KATNAL1: variants seen among roughly 807,000 people sequenced by gnomAD.
KATNAL1 encodes katanin p60 ATPase-containing subunit A-like 1.
Under a neutral mutation model 55.2 loss-of-function variants are expected in KATNAL1, and 32 were observed. The ratio of observed to expected loss-of-function variants is 0.58; its 90% CI spans 0.44 to 0.78. The LOEUF (loss-of-function observed/expected upper bound fraction) is 0.78. Among genes scored for constraint, KATNAL1 ranks in the 30% least tolerant of loss-of-function variants. KATNAL1 has a pLI of 0.00. For missense variants in KATNAL1, 466 were observed against 600.9 expected (o/e 0.78, Z 2.35); for synonymous variants, 193 against 193.6 (o/e 1.00, Z 0.02).
chr13:30,208,787 A>C (rs778677925), intron 10 of KATNAL1, 49 bp from the exon 11 acceptor site: 1 of 1,265,660 alleles, frequency 7.9e-7, no homozygotes, highest in South Asian at 1.4e-5. Flanking sequence ...ACATGTTTTA[A>C]ACACTTTCAA....
In KATNAL1 at chr13:30,245,305, C is replaced by T. The variant is rs147431696; in HGVS notation, c.493-4219G>A. Reference sequence around the variant, plus strand: ...TAAACAGAATCAATGACAAAAACCACGTGATAATCTCAATACATGCAGAAA... The same window carrying T: ...TAAACAGAATCAATGACAAAAACCATGTGATAATCTCAATACATGCAGAAA... On this transcript the variant is annotated intron_variant, in intron 4 of 10. Transcript: ENST00000380615. Among the ~76,000 whole-genome samples, 976 of 152,256 alleles carry T rather than the reference C, an allele frequency of 6.4e-3. 5 individuals carry two copies. Among genetic ancestry groups the T allele is most frequent in the South Asian group, 0.018 (85 of 4,820 alleles).
At chr13:30,268,496 C>T (rs1407471182) in intron 3 of KATNAL1, among the ~76,000 whole-genome samples, 4 of 152,056 alleles carry the variant, frequency 2.6e-5, no homozygotes, top group Non-Finnish European at 4.4e-5. Context: ...CTGTTTAACA[C>T]AAAGACAGAA....
intron 2 of KATNAL1, among the ~76,000 whole-genome samples, chr13:30,282,721 G>A (rs1344679863): frequency 1.1e-4 from 17 of 151,610 alleles, no homozygotes; most frequent in Admixed American, 2.6e-4. Context: ...TTGGGAGGCC[G>A]AGGCAGGCGG....
At chr13:30,257,185 T>C (rs956682446) in intron 3 of KATNAL1, among the ~76,000 whole-genome samples, 40 of 152,286 alleles carry the variant, frequency 2.6e-4, no homozygotes, top group South Asian at 8.3e-4. Flanking sequence ...ACCTAATTTT[T>C]TTTTTTTGGA....
intron 9 of KATNAL1, among the ~76,000 whole-genome samples, chr13:30,212,392 C>T (rs1873775065): frequency 6.6e-6 from 1 of 152,234 alleles, no homozygotes; most frequent in Non-Finnish European, 1.5e-5. Context: ...CCTGGCAATG[C>T]ACAGTGGCCG....
intron 3 of KATNAL1, among the ~76,000 whole-genome samples, chr13:30,260,212 A>C (rs965206301): frequency 6.6e-6 from 1 of 152,070 alleles, no homozygotes; most frequent in Non-Finnish European, 1.5e-5. Flanking sequence ...CACACCAAAA[A>C]CCCATCTGTA....
rs531775135 is a variant in KATNAL1 at position 30,307,394 on chromosome 13, G to GGCCGCCGCC, written c.-87_-79dup. On this transcript the variant is annotated 5_prime_UTR_variant, in exon 1 of 11. Coordinates refer to ENST00000380615, the MANE Select transcript of KATNAL1 (RefSeq NM_032116.5). ...CCAGATGGGGTGCGGGTGGGGCGCA[G>GGCCGCCGCC]GCCGCCGCCGCCGCCGCCGCCGAGT... 42 of 154,774 alleles carry GGCCGCCGCC rather than the reference G, an allele frequency of 2.7e-4. 3 individuals are homozygous for GGCCGCCGCC. The highest frequency in any genetic ancestry group is 1.6e-3 in the South Asian group (9 of 5,576). 9.6% of individuals were successfully genotyped at this position (154,774 alleles called of 1,614,324 possible). A position where few individuals can be genotyped will look rare whatever the true frequency, so the allele number is the denominator to read the frequency against.
chr13:30,271,713 T>C (rs1285155691), intron 3 of KATNAL1, among the ~76,000 whole-genome samples: 2 of 151,952 alleles, frequency 1.3e-5, no homozygotes, highest in Admixed American at 6.6e-5. Flanking sequence ...AGAACCCTTG[T>C]AGCCTGGTGG....
At chr13:30,227,309 G>A in intron 9 of KATNAL1, 103 bp downstream of exon 9, 1 of 1,082,406 alleles carries the variant, frequency 9.2e-7, no homozygotes, top group Non-Finnish European at 1.3e-6. Context: ...ATTTTGTGAT[G>A]CTATAAACTT....
In KATNAL1 at chr13:30,280,125, G is replaced by A; in HGVS notation, c.261C>T (p.Ser87=). ...KIDKPPDFPV[S]CQDEPFRDPA... ...GATCTCTAAATGGTTCATCTTGACA[G>A]GACACAGGGAAATCTGGAGGCTTGT... is the stretch of plus-strand genomic sequence containing the variant. The change falls in exon 3 of 11, where the codon TCC becomes TCT. Residue 87 remains serine, a synonymous_variant. Transcript: ENST00000380615. 1 of 1,613,430 alleles carries A rather than the reference G, an allele frequency of 6.2e-7. No homozygotes were observed. Among genetic ancestry groups the A allele is most frequent in the Non-Finnish European group, 8.5e-7 (1 of 1,179,738 alleles).
At chr13:30,222,245 T>C (rs1056137102) in intron 9 of KATNAL1, among the ~76,000 whole-genome samples, 1 of 152,012 alleles carries the variant, frequency 6.6e-6, no homozygotes, top group Non-Finnish European at 1.5e-5. Context: ...CCGCCCACAC[T>C]GGGAAGAAGA....
intron 3 of KATNAL1, among the ~76,000 whole-genome samples, chr13:30,256,009 G>T (rs1176408654): frequency 1.3e-5 from 2 of 152,112 alleles, no homozygotes; most frequent in Non-Finnish European, 2.9e-5. Context: ...AGCATTAAAA[G>T]CTGTAAGGAC....
Position 30,206,680 on chromosome 13 carries a change from T to G in KATNAL1, c.*1860A>C, listed in dbSNP as rs1452407027. 3 of 152,018 alleles carry G rather than the reference T, an allele frequency of 2.0e-5. No individual in the cohort carries two copies. Among genetic ancestry groups the G allele is most frequent in the African/African-American group, 7.2e-5 (3 of 41,404 alleles). 9.4% of individuals were successfully genotyped at this position (152,018 alleles called of 1,614,324 possible). A position where few individuals can be genotyped will look rare whatever the true frequency, so the allele number is the denominator to read the frequency against. ...AAGTAATGGAAAAACCACAATTACT[T>G]TTGCACCAACCCATTACAAACAAGT... On this transcript the variant is annotated 3_prime_UTR_variant, in exon 11 of 11. Coordinates refer to ENST00000380615, the MANE Select transcript of KATNAL1 (RefSeq NM_032116.5).
At chr13:30,239,022 T>C (rs541877410) in intron 6 of KATNAL1, among the ~76,000 whole-genome samples, 1 of 152,248 alleles carries the variant, frequency 6.6e-6, no homozygotes, top group Non-Finnish European at 1.5e-5. Flanking sequence ...CAAAGACTCA[T>C]TCCAGTTCTG....
Position 30,208,644 on chromosome 13 carries a change from TA to T in KATNAL1, c.1368del (p.Thr457ProfsTer9). ...AGGGCCAATTCAAAGTCTCCTTTGG[TA>T]ACAGGCATCTGAAGTTCCTCTTTAG... ...ALSKEELQMP[V>X]TKGDFELALK... is the part of the protein sequence containing the mutation. On this transcript the variant is annotated frameshift_variant, in exon 11 of 11. Coordinates refer to ENST00000380615, the MANE Select transcript of KATNAL1 (RefSeq NM_032116.5). LOFTEE classifies it high-confidence loss of function. 1 of 1,614,024 alleles carries T rather than the reference TA, an allele frequency of 6.2e-7. No homozygotes were observed. Among genetic ancestry groups the T allele is most frequent in the Non-Finnish European group, 8.5e-7 (1 of 1,179,924 alleles).
intron 9 of KATNAL1, among the ~76,000 whole-genome samples, chr13:30,223,250 T>C (rs112223045): frequency 0.064 from 9,610 of 149,060 alleles, 356 homozygotes; most frequent in African/African-American, 0.12. Flanking sequence ...CCATCCTGGC[T>C]AACACGGTGA....
chr13:30,253,060 T>C (rs1272631900), intron 4 of KATNAL1, among the ~76,000 whole-genome samples: 3 of 152,212 alleles, frequency 2.0e-5, no homozygotes, highest in African/African-American at 7.2e-5. Context: ...ACACTCATTT[T>C]CAAATGAGCT....
intron 4 of KATNAL1, among the ~76,000 whole-genome samples, chr13:30,247,662 G>A (rs951976897): frequency 6.6e-6 from 1 of 152,154 alleles, no homozygotes; most frequent in Non-Finnish European, 1.5e-5. Context: ...AGAAATGAGA[G>A]GAGGGGAGAA....
intron 3 of KATNAL1, among the ~76,000 whole-genome samples, chr13:30,274,946 C>G (rs1467570168): frequency 6.7e-6 from 1 of 150,228 alleles, no homozygotes; most frequent in Non-Finnish European, 1.5e-5. Context: ...CACACACACA[C>G]ACACACAGGA....
Sources: gnomAD v4.1 joint callset for allele counts (sites outside exome capture counted in the v4.1 genomes callset) on GRCh38, gnomAD v4.1.1 for gene constraint, MANE v1.5 for transcripts, NCBI Gene and HGNC (gene_info 2026-07-23, HGNC 2026-07-21) for gene names.